Variants in BOC observed in about 807,000 individuals in gnomAD.
The protein encoded by BOC is BOC cell adhesion associated, oncogene regulated, also known as brother of CDO.
BOC carries 76 observed loss-of-function variants against 112.0 expected under a neutral mutation model. That is an observed-to-expected ratio of 0.68 (90% confidence interval 0.56 to 0.82). The LOEUF is 0.82. Ranked by LOEUF, BOC falls within the 40% of genes least tolerant of loss-of-function variation. The pLI, the probability that BOC is intolerant of heterozygous loss-of-function variation, is 0.00. For missense variants in BOC, 1,309 were observed against 1,511.7 expected, an observed-to-expected ratio of 0.87 and a Z score of 2.22; for synonymous variants, 580 against 599.8, an observed-to-expected ratio of 0.97 and a Z score of 0.48.
intron 4 of BOC, among the ~76,000 whole-genome samples, chr3:113,260,216 G>A (rs1441220897): frequency 6.6e-6 from 1 of 152,178 alleles, no homozygotes; most frequent in African/African-American, 2.4e-5. Flanking sequence ...AAACATGTTT[G>A]AGGTCTAGAA....
chr3:113,268,406 C>A lies in BOC; in HGVS notation c.484C>A (p.Arg162=). 2 of 1,614,112 alleles carry A rather than the reference C, an allele frequency of 1.2e-6. No homozygotes were observed. The highest frequency in any genetic ancestry group is 1.1e-5 in the South Asian group (1 of 91,050). The part of the protein sequence containing the change: ...LPESHPKAQV[R]YSVKQEWLEA... The stretch of plus-strand genomic sequence containing the variant: ...TGAGAGCCACCCCAAAGCCCAGGTC[C>A]GGTACAGCGTCAAACAAGAGTGGCT... Residue 162 remains arginine, a synonymous_variant, in exon 5 of 20, where the codon CGG becomes AGG. Coordinates refer to ENST00000682979, the MANE Select transcript of BOC (RefSeq NM_001378074.1).
At position 113,274,745 on chromosome 3, in the gene BOC, G is replaced by A; in HGVS notation, c.1542+63G>A. Reference sequence around the variant, plus strand: ...AGCCTTTCCAGCAAGGCTGAGCAGAGTCACTGTCTCTTGGCCATCTCCCCT... The same window carrying A: ...AGCCTTTCCAGCAAGGCTGAGCAGAATCACTGTCTCTTGGCCATCTCCCCT... On this transcript the variant is annotated intron_variant, in intron 9 of 19. Coordinates refer to ENST00000682979, the MANE Select transcript of BOC (RefSeq NM_001378074.1). The surrounding 1 kb of genome is among the most constrained non-coding windows in gnomAD (Gnocchi z 4.8). 2 of 1,494,248 alleles carry A rather than the reference G, an allele frequency of 1.3e-6. No individual in the cohort carries two copies. Among genetic ancestry groups the A allele is most frequent in the Non-Finnish European group, 1.8e-6 (2 of 1,108,618 alleles). 92.6% of individuals were successfully genotyped at this position (1,494,248 alleles called of 1,614,324 possible). A position where few individuals can be genotyped will look rare whatever the true frequency, so the allele number is the denominator to read the frequency against.
At position 113,272,710 on chromosome 3, in the gene BOC, G is replaced by A. The variant is rs765022889; in HGVS notation, c.961+7G>A. 1.3e-5 allele frequency: 21 copies of A among 1,612,922 alleles called. No individual in the cohort carries two copies. The South Asian group carries it at 2.2e-4, about 17-fold the overall frequency. On this transcript the variant is annotated splice_region_variant and intron_variant, in intron 7 of 19. Transcript: ENST00000682979. ...TACAATGTCCAGGTGTTTGGTGAGTGTCTGCTGTGGACTGTCTTCTGCTTG... is the reference window on the plus strand; with the variant it reads ...TACAATGTCCAGGTGTTTGGTGAGTATCTGCTGTGGACTGTCTTCTGCTTG...
chr3:113,256,806 G>C (rs1485605182), intron 4 of BOC, among the ~76,000 whole-genome samples: 1 of 151,584 alleles, frequency 6.6e-6, no homozygotes, highest in Non-Finnish European at 1.5e-5. Context: ...TTTTGTATAT[G>C]TATAATTATA....
Position 113,249,816 on chromosome 3 carries a change from C to T in BOC, c.14C>T (p.Thr5Met), listed in dbSNP as rs1401338809. 9 of 1,612,946 alleles carry T rather than the reference C, an allele frequency of 5.6e-6. No individual in the cohort carries two copies. Among genetic ancestry groups the T allele is most frequent in the South Asian group, 1.1e-5 (1 of 90,902 alleles). Residue 5 changes from threonine to methionine, a missense_variant, in exon 3 of 20, where the codon ACG becomes ATG. Transcript: ENST00000682979. ...TTGTGATACACCATGCTGCGTGGGA[C>T]GATGACGGCGTGGAGAGGAATGAGG... MLRG[T>M]MTAWRGMRPE...
chr3:113,252,242 T>G (rs1381181042), intron 4 of BOC, among the ~76,000 whole-genome samples: 1 of 152,120 alleles, frequency 6.6e-6, no homozygotes, highest in Non-Finnish European at 1.5e-5. Context: ...GGAAACTTGT[T>G]GAGACTTTAA....
At chr3:113,272,984 T>G in intron 7 of BOC, 85 bp from the exon 8 acceptor site, 1 of 1,486,920 alleles carries the variant, frequency 6.7e-7, no homozygotes, top group East Asian at 2.3e-5. Context: ...GCAGGGGAGC[T>G]GCTCCTAACT....
Position 113,272,466 on chromosome 3 carries a change from G to A in BOC, c.724G>A (p.Val242Ile), listed in dbSNP as rs145019392. 183 of 1,614,052 alleles carry A rather than the reference G, an allele frequency of 1.1e-4. 1 individual carries two copies. The African/African-American group carries it at 2.1e-3, about 19-fold the overall frequency. The change falls in exon 7 of 20, where the codon GTC (valine) becomes ATC (isoleucine). Residue 242 changes from valine (V) to isoleucine (I), a missense_variant. Physicochemically the swap from Val to Ile is conservative, Grantham distance 29 (BLOSUM62 3). Transcript: ENST00000682979. ...CCCCCCAGAGGCCCAAACCATCATC[G>A]TCACCAAAGGCCAGAGTCTCATTCT... Reference protein sequence around the residue: ...IYPPEAQTIIVTKGQSLILEC... With the variant: ...IYPPEAQTIIITKGQSLILEC...
At position 113,262,994 on chromosome 3, in the gene BOC, G is replaced by T. The variant is rs1022514722; in HGVS notation, c.377-5305G>T. Among the ~76,000 whole-genome samples, 9 of 152,320 alleles carry T rather than the reference G, an allele frequency of 5.9e-5. 1 individual carries two copies. In the South Asian group the frequency reaches 1.5e-3, roughly 25 times the overall value. On this transcript the variant is annotated intron_variant, in intron 4 of 19. Coordinates refer to ENST00000682979, the MANE Select transcript of BOC (RefSeq NM_001378074.1). ...TGACTTTACTTCTCCTGCACCTCGG[G>T]TGTCTCTCAAAAAGGGACTGAGGTG...
At chr3:113,280,076 G>T in intron 13 of BOC, 71 bp downstream of exon 13, 1 of 1,458,842 alleles carries the variant, frequency 6.9e-7, no homozygotes, top group Non-Finnish European at 9.2e-7. Context: ...TGAGCCTGGG[G>T]ATTAGACTCC....
At chr3:113,269,151 G>C (rs1378603751) in intron 5 of BOC, among the ~76,000 whole-genome samples, 1 of 152,192 alleles carries the variant, frequency 6.6e-6, no homozygotes, top group African/African-American at 2.4e-5. Flanking sequence ...TTGGCAGGAG[G>C]TGGAGCTCTT....
chr3:113,215,088 C>T (rs758409530), intron 1 of BOC, among the ~76,000 whole-genome samples: 1 of 152,210 alleles, frequency 6.6e-6, no homozygotes, highest in African/African-American at 2.4e-5. Flanking sequence ...ATGTAGCCAA[C>T]TACTTTGCTG....
intron 2 of BOC, among the ~76,000 whole-genome samples, chr3:113,236,925 A>C (rs1330538834): frequency 2.0e-5 from 3 of 152,224 alleles, no homozygotes; most frequent in Non-Finnish European, 4.4e-5. Flanking sequence ...ATAGCTCATC[A>C]AAGTATTACC....
At chr3:113,241,265 T>C (rs181922852) in intron 2 of BOC, among the ~76,000 whole-genome samples, 25 of 152,222 alleles carry the variant, frequency 1.6e-4, no homozygotes, top group Admixed American at 6.5e-4. Flanking sequence ...ATATGAAGGT[T>C]TCTGTCCCCA....
chr3:113,268,581 C>T, intron 5 of BOC, 136 bp downstream of exon 5: 1 of 782,450 alleles, frequency 1.3e-6, no homozygotes, highest in Non-Finnish European at 2.0e-6. Flanking sequence ...GCAGCCCTGT[C>T]CTCATGCTAG....
intron 5 of BOC, 43 bp from the exon 6 acceptor site, chr3:113,270,758 T>A: frequency 6.4e-7 from 1 of 1,573,776 alleles, no homozygotes; most frequent in Non-Finnish European, 8.6e-7. Context: ...AGTGAAGTAT[T>A]CTGGACCCAT....
At chr3:113,224,662 G>T (rs1234599555) in intron 2 of BOC, among the ~76,000 whole-genome samples, 3 of 152,114 alleles carry the variant, frequency 2.0e-5, no homozygotes, top group Non-Finnish European at 4.4e-5. Flanking sequence ...GAGGAGCAGG[G>T]ACTTAAATTT....
intron 2 of BOC, among the ~76,000 whole-genome samples, chr3:113,238,112 T>C (rs1398178057): frequency 6.6e-6 from 1 of 152,146 alleles, no homozygotes; most frequent in Admixed American, 6.5e-5. Flanking sequence ...GAAGGCTTCA[T>C]AAGAGGTGAC....
chr3:113,250,568 G>A lies in BOC; in HGVS notation c.111G>A (p.Gln37=), dbSNP rs1198395090. Residue 37 remains glutamine (Q), a synonymous_variant, in exon 4 of 20, where the codon CAG becomes CAA. Coordinates refer to ENST00000682979, the MANE Select transcript of BOC (RefSeq NM_001378074.1). ...GCFADLNEVP[Q]VTVQPASTVQ... is the part of the protein sequence containing the mutation. ...TTCTTCCTCCAGACGAGGTCCCTCA[G>A]GTCACCGTCCAGCCTGCGTCCACCG... 6.2e-7 allele frequency: 1 copy of A among 1,612,150 alleles called. No individual in the cohort carries two copies. Among genetic ancestry groups the A allele is most frequent in the Non-Finnish European group, 8.5e-7 (1 of 1,179,010 alleles).
Sources: allele counts gnomAD v4.1 joint callset (sites outside exome capture counted in the v4.1 genomes callset), GRCh38; gene constraint gnomAD v4.1.1; non-coding constraint Gnocchi (gnomAD v3.1); transcripts MANE v1.5; gene names NCBI Gene and HGNC (gene_info 2026-07-23, HGNC 2026-07-21).